Variants in UPRT observed in about 807,000 individuals in gnomAD.
UPRT encodes the protein RP11-311P8.3.
In UPRT, 5 loss-of-function variants were observed where a neutral mutation model predicts 22.6. That is an observed-to-expected ratio of 0.22 (90% CI 0.12 to 0.47). The LOEUF (loss-of-function observed/expected upper bound fraction) is 0.47. Among genes scored for constraint, UPRT ranks in the 20% least tolerant of loss-of-function variants. UPRT has a pLI of 0.99. For missense variants in UPRT, 181 were observed against 239.9 expected (o/e 0.75, Z 1.62); for synonymous variants, 77 against 87.7 (o/e 0.88, Z 0.68).
intron 3 of UPRT, among the ~76,000 whole-genome samples, chrX:75,165,334 A>T (rs2082210111): frequency 8.9e-6 from 1 of 112,182 alleles, no homozygotes; most frequent in East Asian, 2.8e-4. Context: ...AAATTGAAAT[A>T]TCTTTTCCCC....
At chrX:75,244,149 C>T (rs773789077) in intron 4 of UPRT, among the ~76,000 whole-genome samples, 1 of 111,374 alleles carries the variant, frequency 9.0e-6, no homozygotes, top group East Asian at 2.8e-4. Flanking sequence ...GAGAAAAATA[C>T]CACTGATACC....
At chrX:75,174,998 C>A (rs943068251) in intron 4 of UPRT, among the ~76,000 whole-genome samples, 2 of 110,230 alleles carry the variant, frequency 1.8e-5, no homozygotes, top group Non-Finnish European at 3.8e-5. Context: ...GTCTCTGTTT[C>A]TTTCTCTCTC....
chrX:75,297,363 A>C lies in UPRT; in HGVS notation c.500-128A>C, dbSNP rs754842222. On this transcript the variant is annotated intron_variant, in intron 3 of 6. Transcript: ENST00000373383. Reference sequence around the variant, plus strand: ...TCTCATTATTTCCACAGGGAATCTCAGGCATTATACAGTGTGTCTGAACAA... The same window carrying C: ...TCTCATTATTTCCACAGGGAATCTCCGGCATTATACAGTGTGTCTGAACAA... The C allele has an allele frequency of 2.0e-4, 108 of 536,471 alleles. 1 individual carries two copies. In the South Asian group the frequency reaches 3.7e-3, roughly 18 times the overall value. The allele number at this position is 536,471 out of a possible 1,213,427, so 44.2% of individuals were successfully genotyped here. A position where few individuals can be genotyped will look rare whatever the true frequency, so the allele number is the denominator to read the frequency against.
chrX:75,210,489 C>G (rs948209482), intron 4 of UPRT, among the ~76,000 whole-genome samples: 8 of 109,879 alleles, frequency 7.3e-5, no homozygotes, highest in African/African-American at 2.7e-4. Context: ...TGCCTTTGAC[C>G]CTTGCCACCT....
At chrX:75,235,480 A>G (rs2082458339) in intron 4 of UPRT, among the ~76,000 whole-genome samples, 2 of 111,866 alleles carry the variant, frequency 1.8e-5, no homozygotes, top group Non-Finnish European at 3.8e-5. Context: ...CAGGGACACA[A>G]CCAATAAAGA....
intron 4 of UPRT, among the ~76,000 whole-genome samples, chrX:75,173,850 C>T (rs2082238372): frequency 1.8e-5 from 2 of 112,215 alleles, no homozygotes; most frequent in Non-Finnish European, 3.8e-5. Context: ...GGTGCTAAGT[C>T]CCTCATTGCC....
chrX:75,199,710 G>A (rs1463265159), intron 4 of UPRT, among the ~76,000 whole-genome samples: 1 of 111,427 alleles, frequency 9.0e-6, no homozygotes, highest in African/African-American at 3.3e-5. Context: ...AGAGCACCAA[G>A]TGGGCTCTTG....
intron 1 of UPRT, among the ~76,000 whole-genome samples, chrX:75,292,419 A>T (rs2082711639): frequency 8.9e-6 from 1 of 111,958 alleles, no homozygotes; most frequent in African/African-American, 3.2e-5. Context: ...ATTGTGGTTT[A>T]TATTTTAGAG....
chrX:75,195,167 T>C (rs946606456), intron 4 of UPRT, among the ~76,000 whole-genome samples: 1 of 112,044 alleles, frequency 8.9e-6, no homozygotes, highest in Non-Finnish European at 1.9e-5. Context: ...ATGGCATGGG[T>C]GGGCTGGTAT....
intron 4 of UPRT, among the ~76,000 whole-genome samples, chrX:75,198,989 C>T (rs2082340612): frequency 8.9e-6 from 1 of 112,103 alleles, no homozygotes; most frequent in African/African-American, 3.2e-5. Flanking sequence ...TATAGGCCAG[C>T]CCTGCCTTGA....
chrX:75,186,944 A>G (rs2082294801), intron 4 of UPRT, among the ~76,000 whole-genome samples: 2 of 111,549 alleles, frequency 1.8e-5, no homozygotes, highest in African/African-American at 6.6e-5. Flanking sequence ...TTTCCTGAAT[A>G]CAGCACACTG....
At chrX:75,169,681 T>G (rs2082221542) in intron 4 of UPRT, among the ~76,000 whole-genome samples, 2 of 112,090 alleles carry the variant, frequency 1.8e-5, no homozygotes, top group African/African-American at 6.5e-5. Flanking sequence ...AAGACTTGTT[T>G]TGTGGCCTAT....
chrX:75,294,146 G>A (rs1302779387), intron 2 of UPRT, among the ~76,000 whole-genome samples: 8 of 110,907 alleles, frequency 7.2e-5, no homozygotes, highest in Non-Finnish European at 1.5e-4. Context: ...CTTAGTGCTT[G>A]AAGTGAGGTT....
chrX:75,231,122 A>G (rs1229362714), intron 4 of UPRT, among the ~76,000 whole-genome samples: 1 of 111,891 alleles, frequency 8.9e-6, no homozygotes, highest in African/African-American at 3.2e-5. Flanking sequence ...TTGCAGATAC[A>G]GAATTCAGAA....
intron 4 of UPRT, among the ~76,000 whole-genome samples, chrX:75,195,765 C>T (rs773107270): frequency 1.8e-5 from 2 of 111,906 alleles, no homozygotes; most frequent in African/African-American, 6.5e-5. Context: ...CTGTGTCTTC[C>T]CTCCACCCAC....
At chrX:75,232,476 C>T (rs1164884796) in intron 4 of UPRT, among the ~76,000 whole-genome samples, 1 of 112,863 alleles carries the variant, frequency 8.9e-6, no homozygotes, top group African/African-American at 3.2e-5. Flanking sequence ...TAGGCTCCAC[C>T]TCTGGGGGCA....
At position 75,218,218 on chromosome X, in the gene UPRT, G is replaced by T. The variant is rs1458899844; in HGVS notation, c.-447+50339G>T. 1.4e-3 allele frequency among the ~76,000 whole-genome samples: 155 copies of T among 109,768 alleles called. 1 individual carries two copies. The highest frequency in any genetic ancestry group is 6.0e-4 in the Non-Finnish European group (31 of 51,940). On this transcript the variant is annotated intron_variant, in intron 4 of 13. Transcript: ENST00000652605. ...AAAAAACAAACAACCCCATCAAAAA[G>T]TGGGTGAAGGACATGAACAGACACT... is the stretch of plus-strand genomic sequence containing the variant.
At chrX:75,292,993 G>A (rs776726878) in intron 1 of UPRT, among the ~76,000 whole-genome samples, 8 of 111,719 alleles carry the variant, frequency 7.2e-5, no homozygotes, top group Non-Finnish European at 1.3e-4. Flanking sequence ...CAAAAGCAGA[G>A]GATTTATTTA....
Position 75,247,908 on chromosome X carries a change from G to T in UPRT, c.-446-43116G>T, listed in dbSNP as rs745715922. Among the ~76,000 whole-genome samples, 10 of 111,808 alleles carry T rather than the reference G, an allele frequency of 8.9e-5. No individual in the cohort carries two copies. The East Asian group carries it at 2.5e-3, about 28-fold the overall frequency. ...GGAACGATCAGGCAGCAGCATTTGT[G>T]GTTCACCAATATCCGCTGTTCTGCA... On this transcript the variant is annotated intron_variant, in intron 4 of 13. Coordinates refer to the UPRT transcript ENST00000652605.
Sources: gnomAD v4.1 joint callset for allele counts (sites outside exome capture counted in the v4.1 genomes callset) on GRCh38, gnomAD v4.1.1 for gene constraint, MANE v1.5 for transcripts, NCBI Gene and HGNC (gene_info 2026-07-23, HGNC 2026-07-21) for gene names.